PRKD1: variants seen among roughly 807,000 people sequenced by gnomAD.
PRKD1 encodes protein kinase D1.
Under a neutral mutation model 95.9 loss-of-function variants are expected in PRKD1, and 63 were observed. The ratio of observed to expected loss-of-function variants is 0.66; its 90% CI spans 0.54 to 0.81. PRKD1 has a LOEUF of 0.81. Ranked by LOEUF, PRKD1 falls within the 30% of genes least tolerant of loss-of-function variation. The pLI, the probability that PRKD1 is intolerant of heterozygous loss-of-function variation, is 0.00. For synonymous variants in PRKD1, 425 were observed against 423.1 expected (o/e 1.00, Z -0.05); for missense variants, 1,048 against 1,165.3 (o/e 0.90, Z 1.47).
chr14:29,737,051 G>A (rs773360735), intron 1 of PRKD1, among the ~76,000 whole-genome samples: 4 of 151,916 alleles, frequency 2.6e-5, no homozygotes, highest in African/African-American at 7.3e-5. Context: ...GGCCGGGCGC[G>A]GTGGCTCACG....
At chr14:29,684,377 G>T (rs534502613) in intron 2 of PRKD1, among the ~76,000 whole-genome samples, 2 of 152,148 alleles carry the variant, frequency 1.3e-5, no homozygotes, top group South Asian at 4.1e-4. Context: ...TGGTCTTTGA[G>T]ACATAGATAA....
intron 2 of PRKD1, among the ~76,000 whole-genome samples, chr14:29,671,998 T>C (rs960499060): frequency 6.6e-6 from 1 of 152,176 alleles, no homozygotes; most frequent in Non-Finnish European, 1.5e-5. Context: ...CCTATGTATA[T>C]ATTTAAAATA....
intron 1 of PRKD1, among the ~76,000 whole-genome samples, chr14:29,869,519 A>G (rs1397409063): frequency 6.6e-6 from 1 of 152,156 alleles, no homozygotes; most frequent in African/African-American, 2.4e-5. Context: ...CTCAGTAACC[A>G]AAAATGAACA....
intron 13 of PRKD1, among the ~76,000 whole-genome samples, chr14:29,610,214 T>C (rs1338954939): frequency 6.6e-6 from 1 of 150,822 alleles, no homozygotes; most frequent in East Asian, 2.0e-4. Context: ...ATCAAGAAAA[T>C]GAGAAAAAAA....
At chr14:29,708,803 C>A (rs1022657346) in intron 2 of PRKD1, among the ~76,000 whole-genome samples, 1 of 152,102 alleles carries the variant, frequency 6.6e-6, no homozygotes, top group African/African-American at 2.4e-5. Flanking sequence ...GTAGAGGCTA[C>A]AGTGAGCAAT....
intron 2 of PRKD1, among the ~76,000 whole-genome samples, chr14:29,688,805 C>A (rs543291211): frequency 6.6e-6 from 1 of 151,690 alleles, no homozygotes; most frequent in Non-Finnish European, 1.5e-5. Context: ...TGGCAGCGTG[C>A]ACCTGTAGTC....
chr14:29,823,458 T>A (rs906905263), intron 1 of PRKD1, among the ~76,000 whole-genome samples: 7 of 152,166 alleles, frequency 4.6e-5, no homozygotes, highest in Non-Finnish European at 8.8e-5. Context: ...TATATTTAAT[T>A]AATAAATATA....
chr14:29,681,363 T>C (rs1472013271), intron 2 of PRKD1, among the ~76,000 whole-genome samples: 1 of 152,022 alleles, frequency 6.6e-6, no homozygotes, highest in Non-Finnish European at 1.5e-5. Flanking sequence ...ATGTGGTGAG[T>C]TGAAAAGCTC....
intron 1 of PRKD1, among the ~76,000 whole-genome samples, chr14:29,733,665 G>T (rs774955528): frequency 2.0e-5 from 3 of 151,998 alleles, no homozygotes; most frequent in African/African-American, 7.3e-5. Flanking sequence ...AAAATCATTA[G>T]ATCTCATAAG....
At chr14:29,745,300 C>T (rs1216092843) in intron 1 of PRKD1, among the ~76,000 whole-genome samples, 5 of 152,076 alleles carry the variant, frequency 3.3e-5, no homozygotes, top group Non-Finnish European at 7.4e-5. Flanking sequence ...AATATGGGTC[C>T]ATTAGAGTGG....
intron 2 of PRKD1, among the ~76,000 whole-genome samples, chr14:29,694,653 A>G (rs1334460269): frequency 6.6e-6 from 1 of 152,190 alleles, no homozygotes; most frequent in Non-Finnish European, 1.5e-5. Context: ...GGTAGTGATA[A>G]GTATGAGGAG....
intron 1 of PRKD1, among the ~76,000 whole-genome samples, chr14:29,860,748 C>T (rs1892681730): frequency 6.6e-6 from 1 of 152,162 alleles, no homozygotes; most frequent in African/African-American, 2.4e-5. Flanking sequence ...ACCTCCTGTC[C>T]TTTTAAGTAG....
intron 15 of PRKD1, 26 bp from the exon 16 acceptor site, chr14:29,597,784 T>C: frequency 6.3e-7 from 1 of 1,594,408 alleles, no homozygotes; most frequent in Non-Finnish European, 8.5e-7. Flanking sequence ...TTTGCAGAAA[T>C]ACTCCGTTCA....
At chr14:29,771,762 G>A (rs1157928354) in intron 1 of PRKD1, among the ~76,000 whole-genome samples, 1 of 152,168 alleles carries the variant, frequency 6.6e-6, no homozygotes, top group African/African-American at 2.4e-5. Context: ...CATGAGGGCT[G>A]GAATGCCTGC....
chr14:29,880,409 G>A (rs117775568), intron 1 of PRKD1, among the ~76,000 whole-genome samples: 1 of 152,288 alleles, frequency 6.6e-6, no homozygotes, highest in Non-Finnish European at 1.5e-5. Flanking sequence ...CTGAGCTTTG[G>A]GAACCTCCGC....
At chr14:29,698,859 CTG>C (rs1884674559) in intron 2 of PRKD1, among the ~76,000 whole-genome samples, 1 of 152,004 alleles carries the variant, frequency 6.6e-6, no homozygotes, top group Admixed American at 6.6e-5. Flanking sequence ...GTAAAAGAAA[CTG>C]TGTTGGGGAT....
intron 2 of PRKD1, among the ~76,000 whole-genome samples, chr14:29,717,339 T>C (rs547245979): frequency 3.0e-4 from 45 of 152,224 alleles, no homozygotes; most frequent in African/African-American, 1.0e-3. Flanking sequence ...GTGAAATGCT[T>C]TATATTTATT....
At chr14:29,641,519 C>T (rs535303718) in intron 4 of PRKD1, among the ~76,000 whole-genome samples, 17 of 152,230 alleles carry the variant, frequency 1.1e-4, no homozygotes, top group African/African-American at 3.6e-4. Context: ...AGATAATGAA[C>T]ACCTTGGGAA....
intron 2 of PRKD1, among the ~76,000 whole-genome samples, chr14:29,667,992 G>T (rs190710506): frequency 6.7e-6 from 1 of 150,042 alleles, no homozygotes; most frequent in East Asian, 2.0e-4. Context: ...TAGCACCCTT[G>T]ACTTATGTTT....
Sources: allele counts gnomAD v4.1 joint callset (sites outside exome capture counted in the v4.1 genomes callset), GRCh38; gene constraint gnomAD v4.1.1; transcripts MANE v1.5; gene names NCBI Gene and HGNC (gene_info 2026-07-23, HGNC 2026-07-21).